AGL: variants seen among roughly 807,000 people sequenced by gnomAD.
The protein encoded by AGL is glycogen debranching enzyme.
AGL carries 128 observed loss-of-function variants against 199.3 expected under a neutral mutation model. The observed-to-expected ratio is 0.64, with a 90% CI of 0.56 to 0.74. The LOEUF is 0.74. Ranked by LOEUF, AGL falls within the 30% of genes least tolerant of loss-of-function variation. The pLI, the probability that AGL is intolerant of heterozygous loss-of-function variation, is 0.00. For missense variants in AGL, 1,809 were observed against 1,820.8 expected (o/e 0.99, Z 0.12); for synonymous variants, 584 against 594.7 (o/e 0.98, Z 0.26).
In AGL at chr1:99,884,645, A is replaced by C. The variant is rs750932668; in HGVS notation, c.2623A>C (p.Lys875Gln). 3 of 1,614,042 alleles carry C rather than the reference A, an allele frequency of 1.9e-6. No homozygotes were observed. In the Admixed American group the frequency reaches 5.0e-5, roughly 27 times the overall value. Residue 875 changes from lysine to glutamine, a missense_variant, in exon 20 of 34, where the codon AAA becomes CAA. Lys to Gln is a moderately conservative substitution (Grantham distance 53). Coordinates refer to ENST00000361915, the MANE Select transcript of AGL (RefSeq NM_000642.3). ...NHLTQFSPHF[K>Q]SGSLAVDNAD... ...TCTGACACAATTCAGTCCTCACTTT[A>C]AATCTGGCAGCCTAGCTGTTGACAA...
intron 2 of AGL, chr1:99,852,472 C>CAGTT: frequency 1.7e-6 from 1 of 571,816 alleles, no homozygotes; most frequent in Non-Finnish European, 3.1e-6. Flanking sequence ...TGGGCTCAAG[C>CAGTT]AGTTCTCCTG....
intron 2 of AGL, among the ~76,000 whole-genome samples, chr1:99,856,698 C>G (rs1162683994): frequency 1.3e-5 from 2 of 152,060 alleles, no homozygotes; most frequent in Non-Finnish European, 2.9e-5. Context: ...CATCTTGCAC[C>G]ACCCTTAATC....
intron 27 of AGL, among the ~76,000 whole-genome samples, chr1:99,908,174 G>A (rs57617390): frequency 0.15 from 22,285 of 150,600 alleles, 1,708 homozygotes; most frequent in Middle Eastern, 0.17. Flanking sequence ...GATCCATATT[G>A]AGTTAATTTT....
In AGL at chr1:99,921,386, T is replaced by C. The variant is rs1277031356; in HGVS notation, c.4482-148T>C. On this transcript the variant is annotated intron_variant, in intron 33 of 33. Transcript: ENST00000361915. ...AGAATAATTTCAGTCTAAATTCATT[T>C]GTATGTCTTTAGGATATTGTTTTAT... 1.7e-5 allele frequency: 11 copies of C among 658,322 alleles called. No homozygotes were observed. In the Admixed American group the frequency reaches 2.6e-4, roughly 15 times the overall value. 40.8% of individuals were successfully genotyped at this position (658,322 alleles called of 1,614,324 possible).
chr1:99,897,067 G>A (rs1474565488), intron 25 of AGL, among the ~76,000 whole-genome samples: 5 of 152,086 alleles, frequency 3.3e-5, no homozygotes, highest in Non-Finnish European at 5.9e-5. Flanking sequence ...TGCCTGCCTC[G>A]GCCTCCCGAA....
intron 2 of AGL, 121 bp downstream of exon 2, chr1:99,851,245 A>G: frequency 2.2e-6 from 2 of 895,630 alleles, no homozygotes; most frequent in Non-Finnish European, 3.7e-6. Flanking sequence ...CTAAAACTTG[A>G]TTTGTGCAAA....
At chr1:99,881,505 T>G (rs910927785) in intron 16 of AGL, 36 bp from the exon 17 acceptor site, 1 of 1,613,900 alleles carries the variant, frequency 6.2e-7, no homozygotes, top group Non-Finnish European at 8.5e-7. Context: ...TCTTTCCAGT[T>G]TGAGAGCTAA....
chr1:99,881,121 A>G lies in AGL; in HGVS notation c.1945A>G (p.Met649Val), dbSNP rs1277302034. The part of the protein sequence containing the change: ...DALPSTTIVS[M>V]ACCASGSTRG... ...TCTTCCAAGTACTACAATTGTTTCT[A>G]TGGCATGTTGTGCTAGTGGAAGTAC... Residue 649 changes from methionine to valine, a missense_variant, in exon 15 of 34, where the codon ATG (methionine) becomes GTG (valine). By Grantham distance (21) the Met-to-Val change is conservative. Coordinates refer to ENST00000361915, the MANE Select transcript of AGL (RefSeq NM_000642.3). 2.5e-6 allele frequency: 4 copies of G among 1,613,988 alleles called. No homozygotes were observed. Among genetic ancestry groups the G allele is most frequent in the East Asian group, 2.2e-5 (1 of 44,850 alleles).
chr1:99,874,851 T>TA lies in AGL; in HGVS notation c.1082+42dup, dbSNP rs748593334. 1.9e-6 allele frequency: 3 copies of TA among 1,597,786 alleles called. No homozygotes were observed. The South Asian group carries it at 3.3e-5, about 18-fold the overall frequency. ...TTTTCTGTGAAATAATAATATTACT[T>TA]ACAAACCTTTATGGCTAGTATGATT... On this transcript the variant is annotated intron_variant, in intron 8 of 33. Transcript: ENST00000361915.
chr1:99,876,327 T>C (rs1015859411), intron 10 of AGL, 131 bp from the exon 11 acceptor site: 3 of 733,794 alleles, frequency 4.1e-6, no homozygotes, highest in Non-Finnish European at 4.3e-6. Flanking sequence ...TTGAAGTTTT[T>C]TTCCTATAAA....
intron 2 of AGL, among the ~76,000 whole-genome samples, chr1:99,855,483 C>T (rs1649345959): frequency 6.6e-6 from 1 of 151,984 alleles, no homozygotes; most frequent in Non-Finnish European, 1.5e-5. Context: ...CGCTTATTTC[C>T]TATCTCATTT....
intron 25 of AGL, among the ~76,000 whole-genome samples, chr1:99,897,636 C>T (rs1653437913): frequency 6.6e-6 from 1 of 152,154 alleles, no homozygotes; most frequent in African/African-American, 2.4e-5. Context: ...TGCTTCTTCC[C>T]TAAATGCTCC....
rs10628111 is a variant in AGL, at chr1:99,892,830, A to ATTCTT, written c.3259+224_3259+228dup. Among the ~76,000 whole-genome samples, 77,828 of 151,300 alleles carry ATTCTT rather than the reference A, an allele frequency of 0.51. 20,432 individuals are homozygous for ATTCTT. The highest frequency in any genetic ancestry group is 0.67 in the East Asian group (3,441 of 5,118). ...TATGTGTGTTTTTTATGGCTAGCTGATTCTTCATGTTTCTATTTTTTCCAA... is the reference window on the plus strand; with the variant it reads ...TATGTGTGTTTTTTATGGCTAGCTGATTCTTTTCTTCATGTTTCTATTTTTTCCAA... On this transcript the variant is annotated intron_variant, in intron 24 of 33. Coordinates refer to ENST00000361915, the MANE Select transcript of AGL (RefSeq NM_000642.3).
intron 2 of AGL, among the ~76,000 whole-genome samples, chr1:99,857,433 C>T (rs1273395924): frequency 2.0e-5 from 3 of 152,142 alleles, no homozygotes; most frequent in Non-Finnish European, 4.4e-5. Context: ...AGGCTGCAGT[C>T]TCGGCACTTT....
intron 2 of AGL, among the ~76,000 whole-genome samples, chr1:99,853,126 A>T (rs748382324): frequency 6.6e-6 from 1 of 152,236 alleles, no homozygotes; most frequent in Non-Finnish European, 1.5e-5. Flanking sequence ...CTGAATATAG[A>T]TGCCAGAATA....
At position 99,892,481 on chromosome 1, in the gene AGL, G is replaced by C. The variant is rs747339245; in HGVS notation, c.3133G>C (p.Val1045Leu). The C allele has an allele frequency of 3.7e-6, 6 of 1,613,456 alleles. No individual in the cohort carries two copies. The Admixed American group carries it at 1.0e-4, about 27-fold the overall frequency. Residue 1045 changes from valine to leucine, a missense_variant, in exon 24 of 34, where the codon GTT (valine) becomes CTT (leucine). Transcript: ENST00000361915. ...TGTGAAACACCTTTCATTGGGTTCAGTTCAACTGTGTGGAGTAGGAAAATT... is the reference window on the plus strand; with the variant it reads ...TGTGAAACACCTTTCATTGGGTTCACTTCAACTGTGTGGAGTAGGAAAATT... ...TFVKHLSLGS[V>L]QLCGVGKFPS...
At chr1:99,853,776 G>A (rs1649173849) in intron 2 of AGL, among the ~76,000 whole-genome samples, 1 of 152,142 alleles carries the variant, frequency 6.6e-6, no homozygotes, top group African/African-American at 2.4e-5. Flanking sequence ...GTGGTCCCCA[G>A]CTACCTAGGA....
At chr1:99,919,586 T>C (rs939617581) in intron 33 of AGL, among the ~76,000 whole-genome samples, 1 of 152,206 alleles carries the variant, frequency 6.6e-6, no homozygotes, top group South Asian at 2.1e-4. Context: ...TACATAAACA[T>C]AAGTAAATAC....
Position 99,913,616 on chromosome 1 carries a change from G to A in AGL, c.4039G>A (p.Asp1347Asn), listed in dbSNP as rs1654907987. 1 of 1,613,938 alleles carries A rather than the reference G, an allele frequency of 6.2e-7. No individual in the cohort carries two copies. Among genetic ancestry groups the A allele is most frequent in the Non-Finnish European group, 8.5e-7 (1 of 1,179,980 alleles). Residue 1347 changes from aspartate (D) to asparagine (N), a missense_variant, in exon 30 of 34, where the codon GAT (aspartate) becomes AAT (asparagine). Physicochemically the swap from Asp to Asn is conservative, Grantham distance 23 (BLOSUM62 1). Coordinates refer to ENST00000361915, the MANE Select transcript of AGL (RefSeq NM_000642.3). ...ATTTCATGTTTCCGAAGACCCTTCA[G>A]ATTTAAATGAAAAGCATCCAAATCT... Reference protein sequence around the residue: ...KLFHVSEDPSDLNEKHPNLVH... With the variant: ...KLFHVSEDPSNLNEKHPNLVH...
Sources: gnomAD v4.1 joint callset for allele counts (sites outside exome capture counted in the v4.1 genomes callset) on GRCh38, gnomAD v4.1.1 for gene constraint, MANE v1.5 for transcripts, NCBI Gene and HGNC (gene_info 2026-07-23, HGNC 2026-07-21) for gene names.